The following UBE2E2 variants were observed in gnomAD, a reference collection of about 807,000 sequenced individuals.
UBE2E2 encodes ubiquitin conjugating enzyme E2 E2.
UBE2E2 carries 6 observed loss-of-function variants against 24.7 expected under a neutral mutation model. The observed-to-expected ratio is 0.24, with a 90% CI of 0.13 to 0.48. UBE2E2 has a LOEUF of 0.48. UBE2E2 is among the 20% of genes least tolerant of loss of function. The pLI, the probability that UBE2E2 is intolerant of heterozygous loss-of-function variation, is 0.99. For synonymous variants in UBE2E2, 104 were observed against 83.6 expected (o/e 1.24, Z -1.33); for missense variants, 169 against 245.0 (o/e 0.69, Z 2.07).
chr3:23,483,816 T>C (rs369049356), intron 3 of UBE2E2, among the ~76,000 whole-genome samples: 1 of 152,208 alleles, frequency 6.6e-6, no homozygotes, highest in Admixed American at 6.5e-5. Flanking sequence ...CTTTTTGTTG[T>C]TGGGGCAGGG....
At chr3:23,278,357 C>A (rs553732372) in intron 3 of UBE2E2, among the ~76,000 whole-genome samples, 1 of 152,174 alleles carries the variant, frequency 6.6e-6, no homozygotes, top group Admixed American at 6.5e-5. Flanking sequence ...GAAAAAGGAA[C>A]AATTGCTGCC....
At chr3:23,570,468 G>T (rs1696194704) in intron 5 of UBE2E2, among the ~76,000 whole-genome samples, 1 of 152,138 alleles carries the variant, frequency 6.6e-6, no homozygotes, top group Non-Finnish European at 1.5e-5. Context: ...ATGTGTATAT[G>T]TACATACCTA....
At chr3:23,290,461 T>G (rs76920477) in intron 3 of UBE2E2, among the ~76,000 whole-genome samples, 4,371 of 152,280 alleles carry the variant, frequency 0.029, 109 homozygotes, top group East Asian at 0.13. Context: ...GATGCCAATG[T>G]AGGTTTGAGG....
chr3:23,340,856 C>A (rs1201747203), intron 3 of UBE2E2, among the ~76,000 whole-genome samples: 1 of 152,048 alleles, frequency 6.6e-6, no homozygotes. Context: ...ATTTCTTTGC[C>A]TTCTATTCAA....
intron 3 of UBE2E2, among the ~76,000 whole-genome samples, chr3:23,367,755 T>G (rs968279562): frequency 8.6e-5 from 13 of 151,982 alleles, no homozygotes; most frequent in African/African-American, 3.1e-4. Flanking sequence ...GACTTGTGAC[T>G]GTTGTGCAAA....
Position 23,445,473 on chromosome 3 carries a change from C to T in UBE2E2, c.228-54135C>T, listed in dbSNP as rs549730391. 9.8e-5 allele frequency among the ~76,000 whole-genome samples: 15 copies of T among 152,328 alleles called. No individual in the cohort carries two copies. The South Asian group carries it at 1.7e-3, about 17-fold the overall frequency. On this transcript the variant is annotated intron_variant, in intron 3 of 5. Transcript: ENST00000396703. ...TATCTGTAGCTCAGGTCATTTCTCCCTCCATTTGAAATGGATGACCACCAC... is the reference window on the plus strand; with the variant it reads ...TATCTGTAGCTCAGGTCATTTCTCCTTCCATTTGAAATGGATGACCACCAC...
At chr3:23,208,365 CA>C (rs1432536649) in intron 1 of UBE2E2, among the ~76,000 whole-genome samples, 2 of 152,242 alleles carry the variant, frequency 1.3e-5, no homozygotes, top group African/African-American at 4.8e-5. Flanking sequence ...TTATGGCTAA[CA>C]GTACATTATG....
At chr3:23,472,891 G>A (rs1016100143) in intron 3 of UBE2E2, among the ~76,000 whole-genome samples, 2 of 151,900 alleles carry the variant, frequency 1.3e-5, no homozygotes, top group Non-Finnish European at 2.9e-5. Flanking sequence ...GGGCTCAAGC[G>A]ATCCTCTCAC....
chr3:23,483,835 C>G (rs544117334), intron 3 of UBE2E2, among the ~76,000 whole-genome samples: 85 of 152,228 alleles, frequency 5.6e-4, no homozygotes, highest in Non-Finnish European at 1.0e-3. Flanking sequence ...GGTGGGAGTT[C>G]CAGAAGCTGT....
At chr3:23,226,527 A>G (rs1345117130) in intron 3 of UBE2E2, among the ~76,000 whole-genome samples, 7 of 152,204 alleles carry the variant, frequency 4.6e-5, no homozygotes, top group Non-Finnish European at 1.0e-4. Flanking sequence ...GGTGTGAGCC[A>G]CTGCGCCCGG....
chr3:23,295,912 C>T (rs1007649013), intron 3 of UBE2E2, among the ~76,000 whole-genome samples: 2 of 152,164 alleles, frequency 1.3e-5, no homozygotes, highest in Non-Finnish European at 2.9e-5. Context: ...CCACCCTTTC[C>T]TGCCACAATG....
chr3:23,354,218 C>T (rs893047664), intron 3 of UBE2E2, among the ~76,000 whole-genome samples: 1 of 151,960 alleles, frequency 6.6e-6, no homozygotes, highest in Non-Finnish European at 1.5e-5. Context: ...CTTCCTTACA[C>T]CTTATACAAA....
In UBE2E2 at chr3:23,294,266, A is replaced by G. The variant is rs940186496; in HGVS notation, c.227+76954A>G. Among the ~76,000 whole-genome samples, 5 of 152,340 alleles carry G rather than the reference A, an allele frequency of 3.3e-5. No homozygotes were observed. The South Asian group carries it at 8.3e-4, about 25-fold the overall frequency. On this transcript the variant is annotated intron_variant, in intron 3 of 5. Coordinates refer to ENST00000396703, the MANE Select transcript of UBE2E2 (RefSeq NM_152653.4). ...GATAAAAAGCAATTCTCACCTAGCC[A>G]TAATAATAAATCAGTATGTGCAGTT...
chr3:23,395,607 T>C (rs151152338), intron 3 of UBE2E2, among the ~76,000 whole-genome samples: 12 of 152,344 alleles, frequency 7.9e-5, no homozygotes, highest in Non-Finnish European at 1.3e-4. Flanking sequence ...TGGTTCTCTA[T>C]CGAATTCATA....
intron 3 of UBE2E2, among the ~76,000 whole-genome samples, chr3:23,360,846 T>C (rs929578141): frequency 6.6e-6 from 1 of 151,484 alleles, no homozygotes; most frequent in African/African-American, 2.4e-5. Context: ...GGGACCTAAT[T>C]AAACTAAAAA....
intron 3 of UBE2E2, among the ~76,000 whole-genome samples, chr3:23,401,524 C>T (rs1697221892): frequency 6.6e-6 from 1 of 152,116 alleles, no homozygotes; most frequent in Non-Finnish European, 1.5e-5. Context: ...GCGCTCTTGT[C>T]TGATGGCCTT....
At chr3:23,585,568 C>G (rs1217586340) in intron 5 of UBE2E2, among the ~76,000 whole-genome samples, 3 of 152,118 alleles carry the variant, frequency 2.0e-5, no homozygotes, top group Non-Finnish European at 4.4e-5. Flanking sequence ...AGTCATCTAA[C>G]TCTGTTCTGC....
rs564571750 is a variant in UBE2E2, at chr3:23,315,141, C to T, written c.227+97829C>T. On this transcript the variant is annotated intron_variant, in intron 3 of 5. Coordinates refer to ENST00000396703, the MANE Select transcript of UBE2E2 (RefSeq NM_152653.4). The stretch of plus-strand genomic sequence containing the variant: ...GATCTTGTGTTAGAAAATTTTGGTG[C>T]AGCTGAGCTGGCATCAAAACCACAA... Among the ~76,000 whole-genome samples the T allele has an allele frequency of 1.5e-4, 23 of 152,138 alleles. No individual in the cohort carries two copies. In the Middle Eastern group the frequency reaches 0.014, roughly 91 times the overall value.
chr3:23,269,967 T>G (rs941455380), intron 3 of UBE2E2, among the ~76,000 whole-genome samples: 2 of 152,140 alleles, frequency 1.3e-5, no homozygotes, highest in African/African-American at 2.4e-5. Flanking sequence ...TTGAAATTCC[T>G]TGAAAATCTT....
Sources: allele counts gnomAD v4.1 joint callset (sites outside exome capture counted in the v4.1 genomes callset), GRCh38; gene constraint gnomAD v4.1.1; transcripts MANE v1.5; gene names NCBI Gene and HGNC (gene_info 2026-07-23, HGNC 2026-07-21).